DLGAP4: variants seen among roughly 807,000 people sequenced by gnomAD.
DLGAP4 encodes the protein DLG associated protein 4.
Under a neutral mutation model 86.9 loss-of-function variants are expected in DLGAP4, and 18 were observed. That is an observed-to-expected ratio of 0.21 (90% confidence interval 0.14 to 0.31). The LOEUF (loss-of-function observed/expected upper bound fraction) is 0.31. Ranked by LOEUF, DLGAP4 falls within the 10% of genes least tolerant of loss-of-function variation. The pLI is 1.00. For synonymous variants in DLGAP4, 548 were observed against 574.3 expected, an observed-to-expected ratio of 0.95 and a Z score of 0.65; for missense variants, 1,085 against 1,362.6, an observed-to-expected ratio of 0.80 and a Z score of 3.21.
intron 7 of DLGAP4, among the ~76,000 whole-genome samples, chr20:36,468,633 G>A (rs2034524741): frequency 1.3e-5 from 2 of 152,340 alleles, no homozygotes; most frequent in Middle Eastern, 3.4e-3. Context: ...CACCCTGCTG[G>A]TCCCTTGCCT....
At position 36,431,639 on chromosome 20, in the gene DLGAP4, T is replaced by C; in HGVS notation, c.-72-7T>C. 1 of 1,472,194 alleles carries C rather than the reference T, an allele frequency of 6.8e-7. No homozygotes were observed. Among genetic ancestry groups the C allele is most frequent in the Non-Finnish European group, 9.1e-7 (1 of 1,102,210 alleles). 91.2% of individuals were successfully genotyped at this position (1,472,194 alleles called of 1,614,324 possible). A position where few individuals can be genotyped will look rare whatever the true frequency, so the allele number is the denominator to read the frequency against. On this transcript the variant is annotated splice_polypyrimidine_tract_variant and splice_region_variant and intron_variant, in intron 2 of 12. Coordinates refer to ENST00000339266, the MANE Select transcript of DLGAP4 (RefSeq NM_001365621.2). This position sits in a 1 kb window ranked among gnomAD's most constrained non-coding sequence, Gnocchi z 5.1. ...CCAGCTGACCGCTTTCTGTCTTCTC[T>C]CCCTAGGATAGCTGCCGCCCGGGAG... is the stretch of plus-strand genomic sequence containing the variant.
chr20:36,353,797 C>G (rs1474353350), intron 1 of DLGAP4, among the ~76,000 whole-genome samples: 1 of 152,212 alleles, frequency 6.6e-6, no homozygotes, highest in Non-Finnish European at 1.5e-5. Context: ...TGGCTTGGCC[C>G]AAGGGGCAGG....
intron 2 of DLGAP4, among the ~76,000 whole-genome samples, chr20:36,375,950 C>A (rs1379476253): frequency 6.6e-6 from 1 of 152,110 alleles, no homozygotes; most frequent in Non-Finnish European, 1.5e-5. Context: ...CTGCAGTGAG[C>A]TATGATCCCA....
rs925063206 is a variant in DLGAP4, at chr20:36,511,799, C to T, written c.2512+11188C>T. ...CTGAGGCAGGAGAATCACTTGAACC[C>T]GGGAGGTGGAGGTTGCGGTGAGCCG... is the stretch of plus-strand genomic sequence containing the variant. On this transcript the variant is annotated intron_variant, in intron 10 of 12. Transcript: ENST00000339266. Among the ~76,000 whole-genome samples, 60 of 148,168 alleles carry T rather than the reference C, an allele frequency of 4.0e-4. 1 individual carries two copies. Among genetic ancestry groups the T allele is most frequent in the East Asian group, 4.2e-4 (2 of 4,728 alleles).
At chr20:36,335,101 G>A (rs1360190689) in intron 1 of DLGAP4, among the ~76,000 whole-genome samples, 2 of 152,164 alleles carry the variant, frequency 1.3e-5, no homozygotes, top group Non-Finnish European at 2.9e-5. Flanking sequence ...GTGGGAAGAA[G>A]CCTTGCCAAG....
At chr20:36,411,084 G>A (rs867485268) in intron 2 of DLGAP4, among the ~76,000 whole-genome samples, 1 of 152,292 alleles carries the variant, frequency 6.6e-6, no homozygotes, top group South Asian at 2.1e-4. Flanking sequence ...TCCGCCTCCT[G>A]GGTTCAAGCA....
chr20:36,360,714 G>A (rs1305197368), intron 1 of DLGAP4, among the ~76,000 whole-genome samples: 1 of 151,676 alleles, frequency 6.6e-6, no homozygotes, highest in East Asian at 1.9e-4. Flanking sequence ...ATGTGCTGCA[G>A]TGCCCTCAGT....
At chr20:36,318,106 TCACACACACACACACACACA>T (rs1156543199) in intron 1 of DLGAP4, among the ~76,000 whole-genome samples, 3,557 of 139,212 alleles carry the variant, frequency 0.026, 64 homozygotes, top group Non-Finnish European at 0.038. Context: ...ATGTGTCCTC[TCACACACACACACACACACA>T]CACACACACA....
chr20:36,431,496 GC>G lies in DLGAP4; in HGVS notation c.-72-148del, dbSNP rs2033128735. ...TTTTATTTATACACAGAGTACGTGG[GC>G]CTCGGTGTGTACTCCTGTCCTCAGG... On this transcript the variant is annotated intron_variant, in intron 2 of 12. Coordinates refer to ENST00000339266, the MANE Select transcript of DLGAP4 (RefSeq NM_001365621.2). This position sits in a 1 kb window ranked among gnomAD's most constrained non-coding sequence, Gnocchi z 5.1. 1.8e-6 allele frequency: 1 copy of G among 544,482 alleles called. No individual in the cohort carries two copies. The highest frequency in any genetic ancestry group is 3.0e-5 in the East Asian group (1 of 33,158). The allele number at this position is 544,482 out of a possible 1,614,324, so 33.7% of individuals were successfully genotyped here.
chr20:36,316,445 A>G (rs2065100724), intron 1 of DLGAP4, among the ~76,000 whole-genome samples: 1 of 151,892 alleles, frequency 6.6e-6, no homozygotes, highest in Non-Finnish European at 1.5e-5. Context: ...CCTTCCCCAC[A>G]GTCTTTGCTT....
chr20:36,426,969 G>C (rs895237968), intron 2 of DLGAP4, among the ~76,000 whole-genome samples: 5 of 151,598 alleles, frequency 3.3e-5, no homozygotes, highest in Non-Finnish European at 5.9e-5. Flanking sequence ...CTTGAGCCCA[G>C]GAGTTCCAGA....
intron 10 of DLGAP4, among the ~76,000 whole-genome samples, chr20:36,503,409 T>G (rs1306356483): frequency 6.7e-6 from 1 of 150,166 alleles, no homozygotes; most frequent in African/African-American, 2.4e-5. Context: ...TTAGGCAACC[T>G]CTAATCTTTC....
rs74962397 is a variant in DLGAP4 at position 36,489,392 on chromosome 20, A to G, written c.1649-7313A>G. On this transcript the variant is annotated intron_variant, in intron 7 of 12. Transcript: ENST00000339266. Reference sequence around the variant, plus strand: ...GAAGGGAGTGCATCATAGCTTCTGTACCAGGCTCCAAGGACAGAGCTAGCT... The same window carrying G: ...GAAGGGAGTGCATCATAGCTTCTGTGCCAGGCTCCAAGGACAGAGCTAGCT... 2.3e-3 allele frequency among the ~76,000 whole-genome samples: 343 copies of G among 152,302 alleles called. 6 individuals are homozygous for G. In the East Asian group the frequency reaches 0.052, roughly 23 times the overall value.
At position 36,306,830 on chromosome 20, in the gene DLGAP4, T is replaced by C. The variant is rs2065007346; in HGVS notation, c.-304+318T>C. 6.6e-6 allele frequency among the ~76,000 whole-genome samples: 1 copy of C among 152,020 alleles called. No individual in the cohort carries two copies. The highest frequency in any genetic ancestry group is 1.5e-5 in the Non-Finnish European group (1 of 67,950). On this transcript the variant is annotated intron_variant, in intron 1 of 12. Coordinates refer to ENST00000339266, the MANE Select transcript of DLGAP4 (RefSeq NM_001365621.2). The surrounding 1 kb of genome is among the most constrained non-coding windows in gnomAD (Gnocchi z 4.9). Reference sequence around the variant, plus strand: ...GGACCGGATCCCCATTCCGGCTCTTTTTCCCGCGGACTCCCCCGTACCCCA... The same window carrying C: ...GGACCGGATCCCCATTCCGGCTCTTCTTCCCGCGGACTCCCCCGTACCCCA...
chr20:36,462,746 C>CCT, intron 7 of DLGAP4: 1 of 1,153,114 alleles, frequency 8.7e-7, no homozygotes, highest in Non-Finnish European at 1.2e-6. Flanking sequence ...GAGGGAGGGG[C>CCT]CAGGCTGTCT....
chr20:36,499,571 CGTT>C lies in DLGAP4; in HGVS notation c.2011-14_2011-12del. On this transcript the variant is annotated splice_polypyrimidine_tract_variant and intron_variant, in intron 8 of 12. Transcript: ENST00000339266. Reference sequence around the variant, plus strand: ...GTCTTTGTCTCCGTGCCGTTGCTGTCGTTGTCCTTCAATAAGGTTGACTGCATT... The same window carrying C: ...GTCTTTGTCTCCGTGCCGTTGCTGTCGTCCTTCAATAAGGTTGACTGCATT... 1.9e-6 allele frequency: 3 copies of C among 1,612,392 alleles called. No homozygotes were observed. Among genetic ancestry groups the C allele is most frequent in the Non-Finnish European group, 2.5e-6 (3 of 1,178,854 alleles).
intron 7 of DLGAP4, among the ~76,000 whole-genome samples, chr20:36,480,636 A>C (rs542997445): frequency 6.6e-6 from 1 of 152,306 alleles, no homozygotes; most frequent in East Asian, 1.9e-4. Flanking sequence ...ACTTGAGCCC[A>C]GGAAGTTGAA....
chr20:36,380,591 TAAAGAGAGAGAGAGAGAGAG>T lies in DLGAP4; in HGVS notation c.-73+13318_-73+13337del, dbSNP rs1184325864. ...TGAGAGAGCAAGACCCTGTCTGCAT[TAAAGAGAGAGAGAGAGAGAG>T]AGAGAGAGAGAGAGAGAGAGAGAGA... On this transcript the variant is annotated intron_variant, in intron 2 of 12. Coordinates refer to ENST00000339266, the MANE Select transcript of DLGAP4 (RefSeq NM_001365621.2). 3.6e-4 allele frequency among the ~76,000 whole-genome samples: 37 copies of T among 101,376 alleles called. No individual in the cohort carries two copies. In the Admixed American group the frequency reaches 4.1e-3, roughly 11 times the overall value. The allele number at this position is 101,376 out of a possible 152,430, so 66.5% of individuals were successfully genotyped here.
chr20:36,497,384 A>G, intron 8 of DLGAP4: 1 of 1,180,334 alleles, frequency 8.5e-7, no homozygotes, highest in East Asian at 4.8e-5. Context: ...TGTCCACTCC[A>G]CCCTTTGCCC....
Sources: allele counts gnomAD v4.1 joint callset (sites outside exome capture counted in the v4.1 genomes callset), GRCh38; gene constraint gnomAD v4.1.1; non-coding constraint Gnocchi (gnomAD v3.1); transcripts MANE v1.5; gene names NCBI Gene and HGNC (gene_info 2026-07-23, HGNC 2026-07-21).